The following SLC13A3 variants were observed in gnomAD, a reference collection of about 807,000 sequenced individuals.
The protein encoded by SLC13A3 is Na(+)/dicarboxylate cotransporter 3.
A neutral mutation model predicts 59.0 loss-of-function variants in SLC13A3; 40 were observed. That is an observed-to-expected ratio of 0.68 (90% CI 0.53 to 0.88). The LOEUF (loss-of-function observed/expected upper bound fraction) is 0.88. SLC13A3 is among the 40% of genes least tolerant of loss of function. SLC13A3 has a pLI of 0.00. For missense variants in SLC13A3, 699 were observed against 783.2 expected (o/e 0.89, Z 1.28); for synonymous variants, 317 against 330.3 (o/e 0.96, Z 0.44).
intron 9 of SLC13A3, among the ~76,000 whole-genome samples, chr20:46,577,931 A>C (rs376438): frequency 2.0e-5 from 3 of 152,118 alleles, no homozygotes; most frequent in Admixed American, 6.5e-5. Context: ...AAATGGTCCC[A>C]CTGTGCAAAG....
At chr20:46,683,122 G>A (rs1408374597) in intron 1 of SLC13A3, among the ~76,000 whole-genome samples, 1 of 152,004 alleles carries the variant, frequency 6.6e-6, no homozygotes, top group East Asian at 1.9e-4. Flanking sequence ...TGACAGCTGC[G>A]GCTACCCCCA....
At chr20:46,652,261 T>C (rs192735727), upstream of SLC13A3, among the ~76,000 whole-genome samples, 8 of 152,358 alleles carry the variant, frequency 5.3e-5, no homozygotes, top group East Asian at 1.5e-3. Flanking sequence ...AAAAATAGTC[T>C]ACACCAGACA....
intron 12 of SLC13A3, among the ~76,000 whole-genome samples, chr20:46,560,732 G>A (rs561800219): frequency 4.6e-5 from 7 of 152,234 alleles, no homozygotes; most frequent in Admixed American, 1.3e-4. Flanking sequence ...TCCTAGTCAA[G>A]ACTACCCTTG....
chr20:46,560,042 C>A lies in SLC13A3; in HGVS notation c.1789G>T (p.Asp597Tyr). The change falls in exon 13 of 13, where the codon GAC becomes TAC. Residue 597 changes from aspartate (D) to tyrosine (Y), a missense_variant. By Grantham distance (160) the Asp-to-Tyr change is radical (BLOSUM62 -3). Coordinates refer to ENST00000279027, the MANE Select transcript of SLC13A3 (RefSeq NM_022829.6). Reference sequence around the variant, plus strand: ...GGGACTCAGAGGGTCCGAAATGTGTCATTGGCCAAGGTGGGTGGCAATGCT... The same window carrying A: ...GGGACTCAGAGGGTCCGAAATGTGTAATTGGCCAAGGTGGGTGGCAATGCT... Reference protein sequence around the residue: ...VTALPPTLANDTFRTL With the variant: ...VTALPPTLANYTFRTL 6.2e-7 allele frequency: 1 copy of A among 1,614,076 alleles called. No homozygotes were observed. The highest frequency in any genetic ancestry group is 1.1e-5 in the South Asian group (1 of 91,064).
intron 3 of SLC13A3, among the ~76,000 whole-genome samples, chr20:46,602,920 T>C (rs1236913085): frequency 6.6e-6 from 1 of 152,150 alleles, no homozygotes; most frequent in Non-Finnish European, 1.5e-5. Context: ...GACTCACGCC[T>C]GTAATCCCAG....
chr20:46,627,142 C>T (rs374022150), intron 1 of SLC13A3, among the ~76,000 whole-genome samples: 7 of 152,224 alleles, frequency 4.6e-5, no homozygotes, highest in African/African-American at 7.2e-5. Context: ...TGTCTTTGTT[C>T]GCCTCTATTC....
chr20:46,676,216 T>G (rs2063124696), intron 1 of SLC13A3: 1 of 152,088 alleles, frequency 6.6e-6, no homozygotes, highest in Non-Finnish European at 1.5e-5. Context: ...CTCACAGCTT[T>G]TTATTGAAGT....
At chr20:46,596,406 G>A in intron 4 of SLC13A3, 64 bp from the exon 5 acceptor site, 1 of 1,456,380 alleles carries the variant, frequency 6.9e-7, no homozygotes, top group Non-Finnish European at 9.5e-7. Context: ...GACTGCCTGG[G>A]AGTTGGGGAG....
intron 1 of SLC13A3, among the ~76,000 whole-genome samples, chr20:46,634,624 G>A (rs1369746672): frequency 6.6e-6 from 1 of 151,944 alleles, no homozygotes; most frequent in Admixed American, 6.5e-5. Context: ...CATTAAAAAC[G>A]TTCCTGCGGT....
chr20:46,623,412 T>C (rs2062636049), intron 1 of SLC13A3, among the ~76,000 whole-genome samples: 1 of 152,194 alleles, frequency 6.6e-6, no homozygotes, highest in South Asian at 2.1e-4. Context: ...TCTATCTTTT[T>C]TTGAACCAAG....
rs1039584461 is a variant in SLC13A3, at chr20:46,669,214, T to A, written c.-31+829A>T. 2.2e-4 allele frequency among the ~76,000 whole-genome samples: 34 copies of A among 152,300 alleles called. 3 individuals carry two copies. The highest frequency in any genetic ancestry group is 2.0e-3 in the Admixed American group (31 of 15,296). ...GTGTTGAGTGAAGGAATATAACACA[T>A]GACCTGAAATCCAGAGACACACTTC... On this transcript the variant is annotated intron_variant, in intron 1 of 12. Transcript: ENST00000290317.
chr20:46,677,332 T>C (rs1440369020), intron 1 of SLC13A3, among the ~76,000 whole-genome samples: 4 of 152,124 alleles, frequency 2.6e-5, no homozygotes, highest in East Asian at 1.9e-4. Flanking sequence ...GCTCAAGAAA[T>C]AGAACTTGTC....
At chr20:46,600,324 A>AAGG (rs61169434) in intron 3 of SLC13A3, among the ~76,000 whole-genome samples, 32 of 83,786 alleles carry the variant, frequency 3.8e-4, no homozygotes, top group African/African-American at 7.8e-4. Context: ...GGAAGGAAGG[A>AAGG]AAGGAAGGAA....
In SLC13A3 at chr20:46,578,907, C is replaced by T. The variant is rs537715477; in HGVS notation, c.1220-3222G>A. ...AGGAAAGAGAAGTCGTCGTCGTCGT[C>T]ATCATCATCATCATCATCATCATCA... is the stretch of plus-strand genomic sequence containing the variant. On this transcript the variant is annotated intron_variant, in intron 9 of 12. Coordinates refer to ENST00000279027, the MANE Select transcript of SLC13A3 (RefSeq NM_022829.6). Among the ~76,000 whole-genome samples the T allele has an allele frequency of 9.8e-3, 1,219 of 123,866 alleles. 12 individuals carry two copies. Among genetic ancestry groups the T allele is most frequent in the Middle Eastern group, 0.022 (6 of 278 alleles). 81.3% of individuals were successfully genotyped at this position (123,866 alleles called of 152,430 possible).
intron 1 of SLC13A3, among the ~76,000 whole-genome samples, chr20:46,618,813 A>G (rs1423163362): frequency 6.6e-6 from 1 of 152,202 alleles, no homozygotes; most frequent in Non-Finnish European, 1.5e-5. Flanking sequence ...TTCAGTGCCC[A>G]TCATTCCTGT....
chr20:46,570,211 C>T (rs768073854), intron 10 of SLC13A3, among the ~76,000 whole-genome samples: 4 of 152,190 alleles, frequency 2.6e-5, no homozygotes, highest in Non-Finnish European at 5.9e-5. Flanking sequence ...ACACGAAACA[C>T]TCTCTGTACT....
chr20:46,600,257 G>GAAGGAAAGGAAAGGAAAGGGAAGGA (rs2062359627), intron 3 of SLC13A3, among the ~76,000 whole-genome samples: 1 of 125,852 alleles, frequency 7.9e-6, no homozygotes, highest in Admixed American at 8.7e-5. Context: ...ATGGAGGAAG[G>GAAGGAAAGGAAAGGAAAGGGAAGGA]AAGGAAAGGA....
intron 1 of SLC13A3, among the ~76,000 whole-genome samples, chr20:46,648,029 G>A (rs892575975): frequency 1.1e-4 from 16 of 152,168 alleles, no homozygotes; most frequent in Non-Finnish European, 1.9e-4. Context: ...TGGAGTGGAC[G>A]CTGAGGACGC....
chr20:46,605,282 G>A (rs1455978401), intron 3 of SLC13A3, among the ~76,000 whole-genome samples: 1 of 152,264 alleles, frequency 6.6e-6, no homozygotes, highest in East Asian at 1.9e-4. Context: ...TCATGAAGAT[G>A]AAACTGGAAA....
Sources: gnomAD v4.1 joint callset for allele counts (sites outside exome capture counted in the v4.1 genomes callset) on GRCh38, gnomAD v4.1.1 for gene constraint, MANE v1.5 for transcripts, NCBI Gene and HGNC (gene_info 2026-07-23, HGNC 2026-07-21) for gene names.